The following STK3 variants were observed in gnomAD, a reference collection of about 807,000 sequenced individuals.
STK3 encodes the protein serine/threonine-protein kinase 3.
A neutral mutation model predicts 58.0 loss-of-function variants in STK3; 41 were observed. The observed-to-expected ratio is 0.71, with a 90% CI of 0.55 to 0.92. The LOEUF (loss-of-function observed/expected upper bound fraction) is 0.92, where lower values mean the gene tolerates loss of function less well. Among genes scored for constraint, STK3 ranks in the 40% least tolerant of loss-of-function variants. The probability of loss-of-function intolerance (pLI) is 0.00; values close to 1 mark genes in which losing one functional copy is unlikely to be tolerated. For synonymous variants in STK3, 170 were observed against 191.0 expected (o/e 0.89, Z 0.91); for missense variants, 479 against 602.7 (o/e 0.79, Z 2.15).
At chr8:98,917,497 G>C (rs1322706662) in intron 1 of STK3, among the ~76,000 whole-genome samples, 1 of 152,068 alleles carries the variant, frequency 6.6e-6, no homozygotes, top group African/African-American at 2.4e-5. Flanking sequence ...GGTTAGCCTT[G>C]GTCACGAGGA....
chr8:98,433,586 A>AG (rs1818380153), intron 3 of STK3, among the ~76,000 whole-genome samples: 1 of 152,188 alleles, frequency 6.6e-6, no homozygotes, highest in South Asian at 2.1e-4. Flanking sequence ...CAAAATGAGA[A>AG]GGTTGGATTA....
chr8:98,929,903 G>A (rs750426978), intron 1 of STK3, among the ~76,000 whole-genome samples: 1 of 152,206 alleles, frequency 6.6e-6, no homozygotes, highest in Admixed American at 6.5e-5. Context: ...TCAAATAGGG[G>A]TGAGGAAGAC....
At chr8:98,363,365 C>T in the STK3 span, among the ~76,000 whole-genome samples, 9 of 152,182 alleles carry the variant, frequency 5.9e-5, no homozygotes. Context: ...AAAATCACTT[C>T]GCAGAATAAC....
At chr8:98,679,141 A>T (rs1823441339) in intron 6 of STK3, among the ~76,000 whole-genome samples, 1 of 152,220 alleles carries the variant, frequency 6.6e-6, no homozygotes, top group Non-Finnish European at 1.5e-5. Context: ...TCTCCTAACT[A>T]GTCTATGTAA....
intron 8 of STK3, 151 bp downstream of exon 8, chr8:98,579,513 A>T: frequency 1.0e-6 from 1 of 967,632 alleles, no homozygotes. Context: ...GATAGCAAAC[A>T]TATAAGGCAA....
At chr8:98,390,400 G>A (rs558822343), upstream of STK3, among the ~76,000 whole-genome samples, 3 of 152,174 alleles carry the variant, frequency 2.0e-5, no homozygotes, top group African/African-American at 4.8e-5. Context: ...CTCAAGCATT[G>A]GAATTATACC....
At chr8:98,397,976 T>C (rs1817910037), downstream of STK3, among the ~76,000 whole-genome samples, 1 of 152,204 alleles carries the variant, frequency 6.6e-6, no homozygotes, top group African/African-American at 2.4e-5. Context: ...CTTTTCTTCA[T>C]AAATAACCCA....
In STK3 at chr8:98,611,133, T is replaced by A. The variant is rs558564490; in HGVS notation, c.685-14964A>T. 2.0e-5 allele frequency among the ~76,000 whole-genome samples: 3 copies of A among 152,108 alleles called. No homozygotes were observed. In the South Asian group the frequency reaches 6.2e-4, roughly 32 times the overall value. On this transcript the variant is annotated intron_variant, in intron 6 of 10. Transcript: ENST00000419617. The stretch of plus-strand genomic sequence containing the variant: ...CAGAGCTCCTGTGATTGAATCACAA[T>A]AAAACAATACACTAGTCCTAAGATA...
chr8:98,698,634 G>T (rs1321735536), intron 6 of STK3, among the ~76,000 whole-genome samples: 1 of 152,104 alleles, frequency 6.6e-6, no homozygotes, highest in East Asian at 1.9e-4. Context: ...GCTTAGTTTG[G>T]CTGGATATGA....
At chr8:98,421,283 T>G (rs1198472825) in intron 3 of STK3, among the ~76,000 whole-genome samples, 1 of 152,068 alleles carries the variant, frequency 6.6e-6, no homozygotes. Flanking sequence ...AGAGGGAGCT[T>G]CTGGGTCCCT....
At chr8:98,748,193 G>A (rs934202785) in intron 4 of STK3, among the ~76,000 whole-genome samples, 5 of 152,124 alleles carry the variant, frequency 3.3e-5, no homozygotes, top group African/African-American at 9.7e-5. Context: ...GCCCTGAAAT[G>A]AGTTTAAAAC....
intron 1 of STK3, among the ~76,000 whole-genome samples, chr8:98,821,210 T>C (rs1263450236): frequency 6.6e-6 from 1 of 152,054 alleles, no homozygotes; most frequent in Non-Finnish European, 1.5e-5. Context: ...TAGCATTAGA[T>C]TCTCATAGGA....
At chr8:98,774,092 G>A (rs1392874557) in intron 2 of STK3, among the ~76,000 whole-genome samples, 2 of 151,968 alleles carry the variant, frequency 1.3e-5, no homozygotes, top group Non-Finnish European at 2.9e-5. Context: ...CACCGCGACC[G>A]GCCTAGCTTA....
At chr8:98,923,253 T>C (rs1193414020) in intron 1 of STK3, among the ~76,000 whole-genome samples, 1 of 152,156 alleles carries the variant, frequency 6.6e-6, no homozygotes, top group Non-Finnish European at 1.5e-5. Context: ...TGTTAATAAG[T>C]CTGGGGATTG....
intron 2 of STK3, among the ~76,000 whole-genome samples, chr8:98,768,622 T>C (rs1014667662): frequency 3.9e-5 from 6 of 152,106 alleles, no homozygotes; most frequent in South Asian, 4.1e-4. Context: ...AAAGCTAACA[T>C]AGAATTCAGT....
intron 3 of STK3, among the ~76,000 whole-genome samples, chr8:98,403,279 C>T (rs866957137): frequency 1.3e-5 from 2 of 152,306 alleles, no homozygotes; most frequent in Middle Eastern, 3.4e-3. Flanking sequence ...TACTTGAACC[C>T]AGGATAGTTT....
At chr8:98,429,541 T>TAA (rs1475482895) in intron 3 of STK3, 20 of 661,160 alleles carry the variant, frequency 3.0e-5, no homozygotes, top group Middle Eastern at 4.2e-4. Context: ...ATGCATGGGA[T>TAA]ATGCACCCAG....
At chr8:98,526,681 T>C in intron 10 of STK3, 61 bp downstream of exon 10, 4 of 1,382,586 alleles carry the variant, frequency 2.9e-6, no homozygotes, top group Non-Finnish European at 3.8e-6. Flanking sequence ...ACTATGCTTC[T>C]CAATTTGATG....
At chr8:98,849,043 G>A (rs964848459) in intron 3 of STK3, among the ~76,000 whole-genome samples, 8 of 151,858 alleles carry the variant, frequency 5.3e-5, no homozygotes, top group African/African-American at 2.4e-5. Context: ...TGGCTAACAC[G>A]GTGAAACCCC....
Sources: allele counts gnomAD v4.1 joint callset (sites outside exome capture counted in the v4.1 genomes callset), GRCh38; gene constraint gnomAD v4.1.1; transcripts MANE v1.5; gene names NCBI Gene and HGNC (gene_info 2026-07-23, HGNC 2026-07-21).